The following EYA4 variants were observed in gnomAD, a reference collection of about 807,000 sequenced individuals.
EYA4 encodes the protein protein phosphatase EYA4.
EYA4 carries 31 observed loss-of-function variants against 87.9 expected under a neutral mutation model. That is an observed-to-expected ratio of 0.35 (90% CI 0.27 to 0.48). EYA4 has a LOEUF of 0.48. Ranked by LOEUF, EYA4 falls within the 20% of genes least tolerant of loss-of-function variation. EYA4 has a pLI of 0.99. For missense variants in EYA4, 678 were observed against 761.4 expected (o/e 0.89, Z 1.29); for synonymous variants, 263 against 270.6 (o/e 0.97, Z 0.28).
chr6:133,499,926 T>A (rs561826), intron 13 of EYA4, among the ~76,000 whole-genome samples: 48,746 of 151,714 alleles, frequency 0.32, 9,571 homozygotes, highest in Non-Finnish European at 0.43. Flanking sequence ...TCATGCCAGC[T>A]CTGATTTTTC....
intron 2 of EYA4, among the ~76,000 whole-genome samples, chr6:133,373,376 G>T (rs1785429535): frequency 1.3e-5 from 2 of 152,016 alleles, no homozygotes; most frequent in African/African-American, 4.8e-5. Context: ...CGAAAAACAT[G>T]AGCAAATTTT....
intron 13 of EYA4, among the ~76,000 whole-genome samples, chr6:133,484,831 A>T (rs1406420341): frequency 2.6e-5 from 4 of 152,194 alleles, no homozygotes; most frequent in Admixed American, 6.5e-5. Context: ...ACACCTAAAT[A>T]TCCATGTTGC....
At chr6:133,430,414 A>C (rs941737213) in intron 3 of EYA4, among the ~76,000 whole-genome samples, 7 of 152,202 alleles carry the variant, frequency 4.6e-5, no homozygotes, top group African/African-American at 1.7e-4. Context: ...AATTCAAGAA[A>C]TTTTTAAACT....
chr6:133,506,084 T>C lies in EYA4; in HGVS notation c.1192-22T>C, dbSNP rs758214687. On this transcript the variant is annotated intron_variant, in intron 13 of 19. Transcript: ENST00000355286. ...AGCGCTTACTGAAATTTTACCTCAT[T>C]ATGTGTACATTTTCTTTACAGGATC... 6.3e-6 allele frequency: 9 copies of C among 1,418,908 alleles called. No individual in the cohort carries two copies. In the South Asian group the frequency reaches 9.2e-5, roughly 14 times the overall value. The allele number at this position is 1,418,908 out of a possible 1,614,324, so 87.9% of individuals were successfully genotyped here.
At chr6:133,512,675 C>A in intron 14 of EYA4, 46 bp from the exon 15 acceptor site, 1 of 1,439,924 alleles carries the variant, frequency 6.9e-7, no homozygotes, top group Admixed American at 1.7e-5. Context: ...AGCATGGTAA[C>A]AAGCATCATT....
chr6:133,480,652 A>T (rs1227636499), intron 11 of EYA4, among the ~76,000 whole-genome samples: 1 of 152,236 alleles, frequency 6.6e-6, no homozygotes, highest in East Asian at 1.9e-4. Context: ...TAACACATTG[A>T]TTACATACTG....
intron 14 of EYA4, among the ~76,000 whole-genome samples, 156 bp from the exon 15 acceptor site, chr6:133,512,565 C>T (rs1799248539): frequency 6.6e-6 from 1 of 152,180 alleles, no homozygotes; most frequent in Non-Finnish European, 1.5e-5. Context: ...GGTGCCATTT[C>T]CCAACAGAAG....
chr6:133,467,379 G>A (rs1053129729), intron 10 of EYA4, among the ~76,000 whole-genome samples: 1 of 152,046 alleles, frequency 6.6e-6, no homozygotes, highest in Admixed American at 6.6e-5. Context: ...CCACATAAGA[G>A]AGTATAAGGA....
At position 133,392,327 on chromosome 6, in the gene EYA4, TA is replaced by T. The variant is rs562265946; in HGVS notation, c.83+9897del. ...GATTAGTGTCTAGGTTTTAGCTCTT[TA>T]AAAAAAAAAACAATGTTCAAACATA... On this transcript the variant is annotated intron_variant, in intron 3 of 19. Transcript: ENST00000355286. Among the ~76,000 whole-genome samples the T allele has an allele frequency of 6.1e-5, 9 of 146,372 alleles. No individual in the cohort carries two copies. In the South Asian group the frequency reaches 6.5e-4, roughly 11 times the overall value.
chr6:133,462,837 G>C, intron 9 of EYA4, 73 bp downstream of exon 9: 1 of 1,354,604 alleles, frequency 7.4e-7, no homozygotes, highest in Non-Finnish European at 1.1e-6. Flanking sequence ...TTCAGACTAG[G>C]AATATCCAAT....
At chr6:133,349,373 AG>A (rs1299831705) in intron 2 of EYA4, among the ~76,000 whole-genome samples, 3 of 152,134 alleles carry the variant, frequency 2.0e-5, no homozygotes, top group African/African-American at 7.2e-5. Context: ...AAGTGTTATG[AG>A]GGTATAGATT....
At chr6:133,406,063 A>G (rs1788681100) in intron 3 of EYA4, among the ~76,000 whole-genome samples, 2 of 152,198 alleles carry the variant, frequency 1.3e-5, no homozygotes, top group African/African-American at 4.8e-5. Flanking sequence ...CTATCTATTT[A>G]GTAACATTGT....
intron 2 of EYA4, among the ~76,000 whole-genome samples, chr6:133,293,292 A>G (rs1425142769): frequency 6.6e-6 from 1 of 152,106 alleles, no homozygotes; most frequent in Non-Finnish European, 1.5e-5. Flanking sequence ...CACCTGCAGA[A>G]TGATTTTTTT....
At chr6:133,352,591 T>A (rs896988375) in intron 2 of EYA4, among the ~76,000 whole-genome samples, 1 of 152,162 alleles carries the variant, frequency 6.6e-6, no homozygotes, top group Non-Finnish European at 1.5e-5. Context: ...CTAACAGATA[T>A]GTGAGAATAT....
At chr6:133,418,436 C>A (rs1338800588) in intron 3 of EYA4, among the ~76,000 whole-genome samples, 1 of 152,146 alleles carries the variant, frequency 6.6e-6, no homozygotes, top group Non-Finnish European at 1.5e-5. Flanking sequence ...ATTAATTGCT[C>A]AAAAACATTG....
chr6:133,250,534 C>G (rs779451292), intron 1 of EYA4, among the ~76,000 whole-genome samples: 1 of 151,936 alleles, frequency 6.6e-6, no homozygotes, highest in South Asian at 2.1e-4. Context: ...CCCAGCTACT[C>G]GGGAGGCTGA....
chr6:133,464,554 C>A (rs997985724), intron 9 of EYA4, among the ~76,000 whole-genome samples: 14 of 152,066 alleles, frequency 9.2e-5, no homozygotes, highest in African/African-American at 3.1e-4. Flanking sequence ...GAAGACTGTT[C>A]CCATGTGCTT....
intron 2 of EYA4, among the ~76,000 whole-genome samples, chr6:133,348,471 C>T (rs1239078661): frequency 2.0e-5 from 3 of 151,602 alleles, no homozygotes; most frequent in African/African-American, 4.8e-5. Flanking sequence ...TTCACCATAT[C>T]GGCCAGGCTG....
At chr6:133,509,761 T>G (rs1277033712) in intron 14 of EYA4, among the ~76,000 whole-genome samples, 1 of 152,220 alleles carries the variant, frequency 6.6e-6, no homozygotes, top group Non-Finnish European at 1.5e-5. Context: ...AATTAAAGTA[T>G]TTAAAGTTAG....
Sources: gnomAD v4.1 joint callset for allele counts (sites outside exome capture counted in the v4.1 genomes callset) on GRCh38, gnomAD v4.1.1 for gene constraint, MANE v1.5 for transcripts, NCBI Gene and HGNC (gene_info 2026-07-23, HGNC 2026-07-21) for gene names.